Variants in TSPAN18 observed in about 807,000 individuals in gnomAD.
TSPAN18 encodes tetraspanin 18.
In TSPAN18, 14 loss-of-function variants were observed where a neutral mutation model predicts 27.3. The observed-to-expected ratio is 0.51, with a 90% confidence interval of 0.34 to 0.80. The LOEUF (loss-of-function observed/expected upper bound fraction) is 0.80, where lower values mean the gene tolerates loss of function less well. Ranked by LOEUF, TSPAN18 falls within the 30% of genes least tolerant of loss-of-function variation. TSPAN18 has a pLI of 0.01. For missense variants in TSPAN18, 268 were observed against 323.9 expected (o/e 0.83, Z 1.32); for synonymous variants, 143 against 136.5 (o/e 1.05, Z -0.33).
At chr11:44,729,798 A>G (rs1854607638) in intron 1 of TSPAN18, among the ~76,000 whole-genome samples, 1 of 152,032 alleles carries the variant, frequency 6.6e-6, no homozygotes, top group African/African-American at 2.4e-5. Flanking sequence ...TAATGGTCTG[A>G]GGGGTGTGTT....
intron 1 of TSPAN18, among the ~76,000 whole-genome samples, chr11:44,735,615 C>T (rs1173141107): frequency 1.3e-5 from 2 of 151,274 alleles, no homozygotes; most frequent in African/African-American, 4.9e-5. Flanking sequence ...ACCCTAATGA[C>T]CTCCTCTTTT....
At chr11:44,858,550 A>T (rs1192475831) in intron 2 of TSPAN18, among the ~76,000 whole-genome samples, 1 of 152,180 alleles carries the variant, frequency 6.6e-6, no homozygotes, top group Non-Finnish European at 1.5e-5. Context: ...ACTGGAACCC[A>T]GGACTCCTGC....
intron 1 of TSPAN18, among the ~76,000 whole-genome samples, chr11:44,741,023 G>A (rs1267244714): frequency 6.6e-6 from 1 of 152,098 alleles, no homozygotes; most frequent in African/African-American, 2.4e-5. Context: ...ACGGGAGTGG[G>A]GCTGCTTGTT....
At chr11:44,812,091 G>C (rs1856730388) in intron 2 of TSPAN18, among the ~76,000 whole-genome samples, 1 of 152,186 alleles carries the variant, frequency 6.6e-6, no homozygotes, top group South Asian at 2.1e-4. Flanking sequence ...TACCTCCCAG[G>C]TCTCTGCCAG....
intron 2 of TSPAN18, among the ~76,000 whole-genome samples, chr11:44,830,363 G>A (rs982105446): frequency 4.6e-5 from 7 of 152,222 alleles, no homozygotes; most frequent in African/African-American, 1.2e-4. Context: ...GCCATAGCAG[G>A]GAGAAGCCAT....
chr11:44,806,066 G>A (rs185774611), intron 2 of TSPAN18, among the ~76,000 whole-genome samples: 3 of 135,508 alleles, frequency 2.2e-5, no homozygotes, highest in East Asian at 2.1e-4. Flanking sequence ...TTGGAGTCTC[G>A]CTCTATCCCC....
At chr11:44,743,980 A>T (rs1855011681) in intron 1 of TSPAN18, among the ~76,000 whole-genome samples, 1 of 152,106 alleles carries the variant, frequency 6.6e-6, no homozygotes, top group South Asian at 2.1e-4. Flanking sequence ...TTGTTTTTTA[A>T]TTTCCAGTAT....
intron 2 of TSPAN18, among the ~76,000 whole-genome samples, chr11:44,817,307 G>C (rs558422559): frequency 5.9e-5 from 9 of 152,358 alleles, no homozygotes; most frequent in African/African-American, 2.2e-4. Context: ...CATAACAAAA[G>C]ATTCCAAAGC....
At chr11:44,897,801 T>C (rs922807444) in intron 3 of TSPAN18, 4 of 1,289,408 alleles carry the variant, frequency 3.1e-6, no homozygotes, top group Admixed American at 2.3e-5. Context: ...GGAGAGTCTG[T>C]CCTGCTGATG....
intron 2 of TSPAN18, among the ~76,000 whole-genome samples, chr11:44,765,390 G>A (rs957527912): frequency 8.5e-5 from 13 of 152,302 alleles, no homozygotes; most frequent in Non-Finnish European, 1.0e-4. Flanking sequence ...GGCAAAGGAC[G>A]ATGGCTCCGA....
intron 2 of TSPAN18, among the ~76,000 whole-genome samples, chr11:44,831,777 C>T (rs998931498): frequency 2.0e-5 from 3 of 152,068 alleles, no homozygotes; most frequent in Admixed American, 6.5e-5. Flanking sequence ...CATAACATGA[C>T]GTCATGCAGT....
At chr11:44,928,993 G>C in intron 9 of TSPAN18, 138 bp from the exon 10 acceptor site, 1 of 1,112,400 alleles carries the variant, frequency 9.0e-7, no homozygotes, top group East Asian at 2.4e-5. Flanking sequence ...GCTGGCCCCA[G>C]GGGAATGTCA....
chr11:44,896,778 C>T (rs566531134), intron 3 of TSPAN18, among the ~76,000 whole-genome samples: 10 of 152,208 alleles, frequency 6.6e-5, no homozygotes, highest in East Asian at 1.9e-4. Flanking sequence ...GTCTCCTCCA[C>T]GCTGCCACCA....
chr11:44,729,693 G>A, intron 1 of TSPAN18, among the ~76,000 whole-genome samples: 1 of 152,154 alleles, frequency 6.6e-6, no homozygotes, highest in East Asian at 1.9e-4. Flanking sequence ...TCTAGAAGCC[G>A]AAGTTAGTTG....
rs189590068 is a variant in TSPAN18 at position 44,795,095 on chromosome 11, G to A, written c.-153+30583G>A. ...ACCCCCACCCCCACCCCCACCCCCG[G>A]GGTCTTCCCATCATACCTAGAGTCA... On this transcript the variant is annotated intron_variant, in intron 2 of 9. Coordinates refer to ENST00000520358, the MANE Select transcript of TSPAN18 (RefSeq NM_130783.5). Among the ~76,000 whole-genome samples, 137 of 73,128 alleles carry A rather than the reference G, an allele frequency of 1.9e-3. No homozygotes were observed. In the East Asian group the frequency reaches 0.037, roughly 20 times the overall value. The allele number at this position is 73,128 out of a possible 152,430, so 48.0% of individuals were successfully genotyped here.
At chr11:44,883,122 G>T (rs893817374) in intron 3 of TSPAN18, among the ~76,000 whole-genome samples, 2 of 152,174 alleles carry the variant, frequency 1.3e-5, no homozygotes, top group Non-Finnish European at 2.9e-5. Context: ...TACAGGATGA[G>T]ACCCACCTTC....
At chr11:44,836,744 C>T (rs915340797) in intron 2 of TSPAN18, among the ~76,000 whole-genome samples, 4 of 152,198 alleles carry the variant, frequency 2.6e-5, no homozygotes, top group African/African-American at 9.7e-5. Context: ...GATGCCAGTG[C>T]TCATTTACCA....
intron 5 of TSPAN18, among the ~76,000 whole-genome samples, chr11:44,910,301 C>A (rs1017129896): frequency 6.6e-6 from 1 of 152,244 alleles, no homozygotes; most frequent in African/African-American, 2.4e-5. Context: ...TAACACACAC[C>A]TAGTCTGTGT....
chr11:44,914,808 G>A (rs758833239), intron 5 of TSPAN18, among the ~76,000 whole-genome samples: 4 of 152,158 alleles, frequency 2.6e-5, no homozygotes, highest in South Asian at 2.1e-4. Context: ...TGTAAGATCC[G>A]CAGTGTCTGG....
Sources: gnomAD v4.1 joint callset for allele counts (sites outside exome capture counted in the v4.1 genomes callset) on GRCh38, gnomAD v4.1.1 for gene constraint, MANE v1.5 for transcripts, NCBI Gene and HGNC (gene_info 2026-07-23, HGNC 2026-07-21) for gene names.